DCAF8L2: variants seen among roughly 807,000 people sequenced by gnomAD.
DCAF8L2 encodes the protein DDB1- and CUL4-associated factor 8-like protein 2.
For missense variants in DCAF8L2, 430 were observed against 490.7 expected, an observed-to-expected ratio of 0.88 and a Z score of 1.17; for synonymous variants, 200 against 190.9, an observed-to-expected ratio of 1.05 and a Z score of -0.39.
At chrX:27,499,259 G>T in the DCAF8L2 span, among the ~76,000 whole-genome samples, 1 of 111,808 alleles carries the variant, frequency 8.9e-6, no homozygotes, top group Non-Finnish European at 1.9e-5. Flanking sequence ...TTTGATAACA[G>T]CCATCCTCAT....
At chrX:27,674,059 C>G (rs1930059006) in intron 2 of DCAF8L2, among the ~76,000 whole-genome samples, 1 of 111,771 alleles carries the variant, frequency 8.9e-6, no homozygotes, top group East Asian at 2.8e-4. Flanking sequence ...TTATCAGAAT[C>G]AAATTAATTA....
chrX:27,613,500 T>C lies in DCAF8L2; in HGVS notation c.-341-18379T>C, dbSNP rs1333347286. 9.9e-5 allele frequency among the ~76,000 whole-genome samples: 11 copies of C among 110,659 alleles called. No individual in the cohort carries two copies. The South Asian group carries it at 1.2e-3, about 12-fold the overall frequency. On this transcript the variant is annotated intron_variant, in intron 1 of 4. Coordinates refer to ENST00000451261, the MANE Select transcript of DCAF8L2 (RefSeq NM_001353450.2). Reference sequence around the variant, plus strand: ...CTTCCAACACTATGTTGAATAGGAGTGGTGAGAGAGGGCATCCCTGTCTTG... The same window carrying C: ...CTTCCAACACTATGTTGAATAGGAGCGGTGAGAGAGGGCATCCCTGTCTTG...
At chrX:27,557,413 A>T in the DCAF8L2 span, among the ~76,000 whole-genome samples, 1 of 111,909 alleles carries the variant, frequency 8.9e-6, no homozygotes, top group African/African-American at 3.2e-5. Flanking sequence ...ATTCTAGGAG[A>T]CTATCTCACC....
chrX:27,502,335 A>AAAATATATAT, the DCAF8L2 span, among the ~76,000 whole-genome samples: 10 of 12,712 alleles, frequency 7.9e-4, no homozygotes, highest in Non-Finnish European at 1.1e-3. Context: ...AAAAAAAAAA[A>AAAATATATAT]ATATATATAT....
intron 3 of DCAF8L2, among the ~76,000 whole-genome samples, chrX:27,703,931 A>T (rs1931224164): frequency 1.8e-5 from 2 of 108,987 alleles, no homozygotes; most frequent in African/African-American, 6.8e-5. Flanking sequence ...CCCAAAGATC[A>T]CCATAAAGGA....
chrX:27,532,621 G>T, the DCAF8L2 span, among the ~76,000 whole-genome samples: 1 of 110,874 alleles, frequency 9.0e-6, no homozygotes, highest in South Asian at 3.8e-4. Flanking sequence ...GAAGGAGCCA[G>T]GTGCAGTGGC....
chrX:27,657,003 TTGGG>T (rs1929377828), intron 2 of DCAF8L2, among the ~76,000 whole-genome samples: 1 of 110,164 alleles, frequency 9.1e-6, no homozygotes, highest in Non-Finnish European at 1.9e-5. Context: ...CACCCTTAAT[TTGGG>T]TGGGCACCAT....
intron 3 of DCAF8L2, among the ~76,000 whole-genome samples, chrX:27,683,623 G>C (rs1930399940): frequency 8.9e-6 from 1 of 111,900 alleles, no homozygotes; most frequent in Non-Finnish European, 1.9e-5. Flanking sequence ...CAGCTCTTTA[G>C]TCCTCAAGCT....
intron 2 of DCAF8L2, among the ~76,000 whole-genome samples, chrX:27,634,699 C>A (rs917821837): frequency 7.2e-5 from 8 of 110,844 alleles, no homozygotes; most frequent in Non-Finnish European, 1.1e-4. Flanking sequence ...AATTCTACAC[C>A]TGACCTCAGG....
chrX:27,614,061 G>A (rs1417041229), intron 1 of DCAF8L2, among the ~76,000 whole-genome samples: 1 of 111,161 alleles, frequency 9.0e-6, no homozygotes, highest in African/African-American at 3.3e-5. Flanking sequence ...GGTAGAATTC[G>A]GCTGTGAATC....
chrX:27,585,308 A>G, the DCAF8L2 span, among the ~76,000 whole-genome samples: 6 of 111,426 alleles, frequency 5.4e-5, no homozygotes, highest in Non-Finnish European at 1.1e-4. Context: ...CACTCTTGTG[A>G]AATCAATTTT....
Position 27,606,358 on chromosome X carries a change from AATATATATAT to A in DCAF8L2, c.-342+15933_-342+15942del, listed in dbSNP as rs200718182. On this transcript the variant is annotated intron_variant, in intron 1 of 4. Coordinates refer to ENST00000451261, the MANE Select transcript of DCAF8L2 (RefSeq NM_001353450.2). ...TATAGGAATTATATATATATCTAGG[AATATATATAT>A]ATATATATATATATTCTTTTGAGAC... 4.5e-4 allele frequency among the ~76,000 whole-genome samples: 18 copies of A among 39,783 alleles called. 1 individual carries two copies. Among genetic ancestry groups the A allele is most frequent in the Non-Finnish European group, 6.0e-4 (15 of 25,150 alleles). The allele number at this position is 39,783 out of a possible 115,157, so 34.5% of individuals were successfully genotyped here.
intron 3 of DCAF8L2, among the ~76,000 whole-genome samples, chrX:27,713,505 G>C (rs754568030): frequency 1.8e-5 from 2 of 111,615 alleles, no homozygotes; most frequent in Non-Finnish European, 3.8e-5. Flanking sequence ...CAAACCTTTT[G>C]AGGAGATTTT....
the DCAF8L2 span, among the ~76,000 whole-genome samples, chrX:27,480,377 T>G: frequency 8.9e-6 from 1 of 112,291 alleles, no homozygotes; most frequent in Non-Finnish European, 1.9e-5. Context: ...CTTGTTCTGG[T>G]TTACATGACG....
the DCAF8L2 span, among the ~76,000 whole-genome samples, chrX:27,569,539 A>T: frequency 8.9e-6 from 1 of 112,194 alleles, no homozygotes; most frequent in Non-Finnish European, 1.9e-5. Context: ...ATTTGGCAAG[A>T]TCCATACACT....
chrX:27,524,083 G>A, the DCAF8L2 span, among the ~76,000 whole-genome samples: 3,532 of 111,526 alleles, frequency 0.032, 129 homozygotes, highest in African/African-American at 0.11. Flanking sequence ...TCTATTGATT[G>A]GAATAGTTTC....
intron 1 of DCAF8L2, among the ~76,000 whole-genome samples, chrX:27,614,551 T>C (rs1192272862): frequency 8.9e-6 from 1 of 111,864 alleles, no homozygotes; most frequent in East Asian, 2.8e-4. Flanking sequence ...TGTTAGGGTG[T>C]TGATTTTAGA....
chrX:27,543,303 C>T, the DCAF8L2 span, among the ~76,000 whole-genome samples: 4 of 111,775 alleles, frequency 3.6e-5, no homozygotes, highest in Non-Finnish European at 3.8e-5. Context: ...AGGTGTGCAG[C>T]TTTATTTCTG....
the DCAF8L2 span, among the ~76,000 whole-genome samples, chrX:27,469,835 C>T: frequency 9.3e-6 from 1 of 107,680 alleles, no homozygotes; most frequent in Admixed American, 1.0e-4. Context: ...AGTGCAATGG[C>T]TCGGCTTACT....
Sources: allele counts gnomAD v4.1 joint callset (sites outside exome capture counted in the v4.1 genomes callset), GRCh38; gene constraint gnomAD v4.1.1; transcripts MANE v1.5; gene names NCBI Gene and HGNC (gene_info 2026-07-23, HGNC 2026-07-21).